The following CFAP47 variants were observed in gnomAD, a reference collection of about 807,000 sequenced individuals.
CFAP47 encodes the protein cilia and flagella associated protein 47, also known as cilia- and flagella-associated protein 47.
In CFAP47, 29 loss-of-function variants were observed where a neutral mutation model predicts 148.1. That is an observed-to-expected ratio of 0.20 (90% CI 0.15 to 0.27). The LOEUF (loss-of-function observed/expected upper bound fraction) is 0.27, where lower values mean the gene tolerates loss of function less well. Ranked by LOEUF, CFAP47 falls within the 10% of genes least tolerant of loss-of-function variation. The pLI is 1.00. For synonymous variants in CFAP47, 664 were observed against 577.3 expected (o/e 1.15, Z -2.15); for missense variants, 1,872 against 1,697.5 (o/e 1.10, Z -1.81).
At chrX:36,000,793 A>T (rs1381065270) in intron 20 of CFAP47, among the ~76,000 whole-genome samples, 2 of 111,755 alleles carry the variant, frequency 1.8e-5, no homozygotes, top group African/African-American at 6.5e-5. Flanking sequence ...CTATATGTTT[A>T]CTCATGTATT....
chrX:36,034,980 C>CTA (rs202203568), intron 23 of CFAP47, among the ~76,000 whole-genome samples: 41 of 108,875 alleles, frequency 3.8e-4, no homozygotes, highest in Non-Finnish European at 7.1e-4. Context: ...CCCTCTCTCT[C>CTA]TATATATATA....
intron 28 of CFAP47, 107 bp downstream of exon 28, chrX:36,072,078 A>G: frequency 1.6e-6 from 1 of 614,931 alleles, no homozygotes; most frequent in Non-Finnish European, 2.4e-6. Context: ...GAAATTCATG[A>G]AGAAAATTGG....
intron 21 of CFAP47, among the ~76,000 whole-genome samples, chrX:36,007,152 C>A (rs1936990672): frequency 8.9e-6 from 1 of 112,243 alleles, no homozygotes; most frequent in South Asian, 3.7e-4. Flanking sequence ...ATTTTCCCTG[C>A]AGTTTTTGAA....
intron 42 of CFAP47, 77 bp from the exon 43 acceptor site, chrX:36,200,302 G>T: frequency 3.5e-6 from 1 of 288,746 alleles, no homozygotes; most frequent in East Asian, 4.9e-5. Flanking sequence ...ACAGTATGCA[G>T]ATTTCCCTTG....
chrX:36,133,798 TA>T (rs568711243), intron 33 of CFAP47, among the ~76,000 whole-genome samples: 66 of 89,413 alleles, frequency 7.4e-4, no homozygotes, highest in Admixed American at 1.0e-3. Flanking sequence ...CATTGCAGTT[TA>T]AAAAAAAAAA....
chrX:36,322,628 T>C (rs782165122), intron 57 of CFAP47, among the ~76,000 whole-genome samples: 1 of 111,340 alleles, frequency 9.0e-6, no homozygotes, highest in Non-Finnish European at 1.9e-5. Flanking sequence ...AAAATAGAAA[T>C]TAAATGTAGT....
In CFAP47 at chrX:36,295,587, G is replaced by A. The variant is rs182553436; in HGVS notation, c.7687-3390G>A. ...TCAAGAATAAACATCAATTTTGATC[G>A]TCTTATAAAATGATGGATAACATAA... is the stretch of plus-strand genomic sequence containing the variant. On this transcript the variant is annotated intron_variant, in intron 51 of 63. Transcript: ENST00000378653. Among the ~76,000 whole-genome samples, 108 of 111,773 alleles carry A rather than the reference G, an allele frequency of 9.7e-4. 4 individuals carry two copies. Among genetic ancestry groups the A allele is most frequent in the South Asian group, 7.4e-4 (2 of 2,712 alleles).
chrX:36,360,389 G>T (rs782692846), intron 60 of CFAP47, among the ~76,000 whole-genome samples: 1 of 111,544 alleles, frequency 9.0e-6, no homozygotes, highest in Non-Finnish European at 1.9e-5. Context: ...CACATCTGGC[G>T]CCTGTGTCTA....
chrX:36,310,309 CAT>C (rs1941383229), intron 55 of CFAP47, among the ~76,000 whole-genome samples: 1 of 110,986 alleles, frequency 9.0e-6, no homozygotes, highest in South Asian at 3.7e-4. Flanking sequence ...TTATCCATAT[CAT>C]GTGATAACAG....
At chrX:35,982,176 G>A (rs1448037531) in intron 15 of CFAP47, among the ~76,000 whole-genome samples, 1 of 111,552 alleles carries the variant, frequency 9.0e-6, no homozygotes, top group Non-Finnish European at 1.9e-5. Context: ...CAACAGCATT[G>A]GTTATTATTT....
intron 33 of CFAP47, among the ~76,000 whole-genome samples, chrX:36,135,567 T>C (rs1602004543): frequency 8.9e-6 from 1 of 111,954 alleles, no homozygotes; most frequent in South Asian, 3.7e-4. Flanking sequence ...ATATTGATAT[T>C]GTTTGATTCA....
intron 29 of CFAP47, among the ~76,000 whole-genome samples, chrX:36,080,690 A>C (rs1277343083): frequency 9.0e-6 from 1 of 111,534 alleles, no homozygotes; most frequent in Non-Finnish European, 1.9e-5. Flanking sequence ...ACAGAAAACC[A>C]AACACCGCAT....
chrX:36,067,329 G>A (rs1256470380), intron 27 of CFAP47, among the ~76,000 whole-genome samples: 1 of 111,079 alleles, frequency 9.0e-6, no homozygotes, highest in Non-Finnish European at 1.9e-5. Flanking sequence ...AACCCAAACT[G>A]AAGTCATCTC....
In CFAP47 at chrX:36,204,346, G is replaced by A. The variant is rs782747664; in HGVS notation, c.6664-611G>A. 7.3e-5 allele frequency among the ~76,000 whole-genome samples: 8 copies of A among 110,294 alleles called. No individual in the cohort carries two copies. In the South Asian group the frequency reaches 2.3e-3, roughly 32 times the overall value. On this transcript the variant is annotated intron_variant, in intron 44 of 63. Transcript: ENST00000378653. ...ATCGCAAGAACAAAAACCAAACACC[G>A]CATGTTCTCACTCATAGGTGGGAAT...
At chrX:36,314,314 T>C (rs892354706) in intron 56 of CFAP47, among the ~76,000 whole-genome samples, 4 of 111,835 alleles carry the variant, frequency 3.6e-5, no homozygotes, top group Admixed American at 2.9e-4. Flanking sequence ...CAGAGTTTAA[T>C]TGAGCAAATA....
chrX:36,270,549 G>GTATATATATATA (rs782687841), intron 49 of CFAP47, among the ~76,000 whole-genome samples: 72 of 95,502 alleles, frequency 7.5e-4, no homozygotes, highest in Middle Eastern at 5.6e-3. Flanking sequence ...TTTAAAATTT[G>GTATATATATATA]TATATATATA....
chrX:36,005,455 T>C, intron 21 of CFAP47, among the ~76,000 whole-genome samples: 1 of 112,357 alleles, frequency 8.9e-6, no homozygotes, highest in Non-Finnish European at 1.9e-5. Flanking sequence ...ATTTGGTGTG[T>C]CTCGTTTAAT....
intron 25 of CFAP47, among the ~76,000 whole-genome samples, chrX:36,043,109 G>A (rs977053679): frequency 1.8e-5 from 2 of 111,738 alleles, no homozygotes; most frequent in Non-Finnish European, 3.8e-5. Flanking sequence ...AAATTGTATT[G>A]TATCTCTGCT....
intron 21 of CFAP47, among the ~76,000 whole-genome samples, chrX:36,010,218 C>T (rs1005307787): frequency 2.8e-4 from 31 of 110,953 alleles, no homozygotes; most frequent in African/African-American, 3.9e-4. Flanking sequence ...ATATTACTTC[C>T]GTAGCATTTT....
Sources: gnomAD v4.1 joint callset for allele counts (sites outside exome capture counted in the v4.1 genomes callset) on GRCh38, gnomAD v4.1.1 for gene constraint, MANE v1.5 for transcripts, NCBI Gene and HGNC (gene_info 2026-07-23, HGNC 2026-07-21) for gene names.